The following PAPPA2 variants were observed in gnomAD, a reference collection of about 807,000 sequenced individuals.
PAPPA2 encodes pappalysin 2, also known as pappalysin-2.
PAPPA2 carries 86 observed loss-of-function variants against 176.4 expected under a neutral mutation model. That is an observed-to-expected ratio of 0.49 (90% CI 0.41 to 0.58). The LOEUF (loss-of-function observed/expected upper bound fraction) is 0.58. Among genes scored for constraint, PAPPA2 ranks in the 20% least tolerant of loss-of-function variants. PAPPA2 has a pLI of 0.00. For synonymous variants in PAPPA2, 809 were observed against 852.2 expected (o/e 0.95, Z 0.88); for missense variants, 2,073 against 2,256.9 (o/e 0.92, Z 1.65).
At chr1:176,794,628 A>T (rs776583376) in intron 20 of PAPPA2, among the ~76,000 whole-genome samples, 6 of 152,204 alleles carry the variant, frequency 3.9e-5, no homozygotes, top group East Asian at 1.9e-4. Flanking sequence ...TGAGAAAGGA[A>T]CTAATGGCTA....
chr1:176,496,553 T>C (rs1296690319), intron 1 of PAPPA2, among the ~76,000 whole-genome samples: 9 of 152,186 alleles, frequency 5.9e-5, no homozygotes, highest in African/African-American at 2.2e-4. Context: ...TTTCTCATTC[T>C]GGGCACCTCG....
At chr1:176,676,603 GA>G (rs1320900230) in intron 4 of PAPPA2, among the ~76,000 whole-genome samples, 1 of 152,130 alleles carries the variant, frequency 6.6e-6, no homozygotes, top group Non-Finnish European at 1.5e-5. Flanking sequence ...TGGAGGTTGA[GA>G]AAAGTATAGA....
At chr1:176,664,418 C>T (rs1658516129) in intron 3 of PAPPA2, among the ~76,000 whole-genome samples, 1 of 152,182 alleles carries the variant, frequency 6.6e-6, no homozygotes, top group African/African-American at 2.4e-5. Context: ...ATCCTGTTTC[C>T]ATCACTGTAT....
intron 4 of PAPPA2, among the ~76,000 whole-genome samples, chr1:176,680,365 T>G (rs1659523343): frequency 6.6e-6 from 1 of 152,216 alleles, no homozygotes; most frequent in Admixed American, 6.5e-5. Context: ...CTATAGAATT[T>G]TATACTATTG....
At chr1:176,705,322 A>C (rs1168571238) in intron 9 of PAPPA2, among the ~76,000 whole-genome samples, 2 of 152,188 alleles carry the variant, frequency 1.3e-5, no homozygotes, top group East Asian at 3.8e-4. Flanking sequence ...TGATTACTAT[A>C]TCACTGTATT....
intron 1 of PAPPA2, among the ~76,000 whole-genome samples, chr1:176,495,831 G>A (rs983170682): frequency 3.3e-5 from 5 of 150,522 alleles, no homozygotes; most frequent in African/African-American, 9.8e-5. Context: ...TGGGTGGTGC[G>A]ATCATAGCTC....
chr1:176,577,554 G>T (rs1285586712), intron 2 of PAPPA2, among the ~76,000 whole-genome samples: 1 of 152,086 alleles, frequency 6.6e-6, no homozygotes, highest in Non-Finnish European at 1.5e-5. Context: ...AAGTTATCTA[G>T]AACAGCTGAA....
chr1:176,543,080 A>G (rs1293765529), intron 1 of PAPPA2, among the ~76,000 whole-genome samples: 5 of 152,204 alleles, frequency 3.3e-5, no homozygotes, highest in African/African-American at 1.2e-4. Flanking sequence ...AACCACCTAC[A>G]ACATCTCTGT....
chr1:176,809,284 T>C (rs1028563696), intron 21 of PAPPA2, among the ~76,000 whole-genome samples: 14 of 152,238 alleles, frequency 9.2e-5, no homozygotes, highest in African/African-American at 3.1e-4. Flanking sequence ...AAGGAATTTA[T>C]GTAGGAAGGA....
At chr1:176,646,430 T>C (rs1439560838) in intron 3 of PAPPA2, among the ~76,000 whole-genome samples, 1 of 150,368 alleles carries the variant, frequency 6.7e-6, no homozygotes, top group Non-Finnish European at 1.5e-5. Flanking sequence ...TTATACTCTT[T>C]TAGTTATTTT....
intron 17 of PAPPA2, among the ~76,000 whole-genome samples, chr1:176,780,315 A>G (rs2102924357): frequency 8.1e-6 from 1 of 122,784 alleles, no homozygotes; most frequent in South Asian, 2.6e-4. Context: ...GTTCTTACAA[A>G]TGAGATCAGC....
intron 21 of PAPPA2, among the ~76,000 whole-genome samples, chr1:176,831,676 T>C (rs1667085504): frequency 6.6e-6 from 1 of 152,150 alleles, no homozygotes; most frequent in Non-Finnish European, 1.5e-5. Flanking sequence ...CTTTGAGTCT[T>C]TATTTGCAAC....
chr1:176,651,950 A>G (rs1198330562), intron 3 of PAPPA2, among the ~76,000 whole-genome samples: 1 of 151,420 alleles, frequency 6.6e-6, no homozygotes, highest in Non-Finnish European at 1.5e-5. Flanking sequence ...ATTTTAGTTC[A>G]GCAAATGTAT....
chr1:176,502,722 AACTT>A lies in PAPPA2; in HGVS notation c.-917+39309_-917+39312del, dbSNP rs573140994. 7.1e-4 allele frequency among the ~76,000 whole-genome samples: 108 copies of A among 152,316 alleles called. No homozygotes were observed. In the Middle Eastern group the frequency reaches 0.01, roughly 14 times the overall value. On this transcript the variant is annotated intron_variant, in intron 1 of 22. Coordinates refer to ENST00000367662, the MANE Select transcript of PAPPA2 (RefSeq NM_020318.3). ...AGACTAAGTTGTTTTTCTTTCAAAC[AACTT>A]ACTTCACATCTAATTGAAACATGAC...
At chr1:176,697,976 A>G (rs1408756048) in intron 7 of PAPPA2, among the ~76,000 whole-genome samples, 3 of 152,202 alleles carry the variant, frequency 2.0e-5, no homozygotes, top group Non-Finnish European at 2.9e-5. Context: ...AATAAAAACC[A>G]TAAGATGTAA....
At chr1:176,606,534 A>G (rs1275241970) in intron 3 of PAPPA2, among the ~76,000 whole-genome samples, 2 of 152,126 alleles carry the variant, frequency 1.3e-5, no homozygotes, top group Non-Finnish European at 2.9e-5. Flanking sequence ...GCGTGATCTC[A>G]GCTCACTGCA....
At position 176,556,597 on chromosome 1, in the gene PAPPA2, C is replaced by G; in HGVS notation, c.275C>G (p.Thr92Arg). ...YPVGEQEIHH[T>R]GRSKPDTEGN... Reference sequence around the variant, plus strand: ...GTGGGGGAGCAAGAAATCCATCATACAGGACGCAGCAAACCAGACACTGAA... The same window carrying G: ...GTGGGGGAGCAAGAAATCCATCATAGAGGACGCAGCAAACCAGACACTGAA... Residue 92 changes from threonine (T) to arginine (R), a missense_variant, in exon 2 of 23, where the codon ACA becomes AGA. Transcript: ENST00000367662. The G allele has an allele frequency of 6.2e-7, 1 of 1,614,192 alleles. No individual in the cohort carries two copies. Among genetic ancestry groups the G allele is most frequent in the African/African-American group, 1.3e-5 (1 of 75,056 alleles).
At chr1:176,766,874 C>G (rs1360913684) in intron 15 of PAPPA2, among the ~76,000 whole-genome samples, 1 of 151,522 alleles carries the variant, frequency 6.6e-6, no homozygotes, top group Non-Finnish European at 1.5e-5. Context: ...GGACATACAA[C>G]TGTTAGCTAG....
At chr1:176,478,660 A>G (rs1445112340) in intron 1 of PAPPA2, among the ~76,000 whole-genome samples, 1 of 152,190 alleles carries the variant, frequency 6.6e-6, no homozygotes, top group Non-Finnish European at 1.5e-5. Flanking sequence ...TTGTGCCACA[A>G]TGTTCTTGAG....
Sources: allele counts gnomAD v4.1 joint callset (sites outside exome capture counted in the v4.1 genomes callset), GRCh38; gene constraint gnomAD v4.1.1; transcripts MANE v1.5; gene names NCBI Gene and HGNC (gene_info 2026-07-23, HGNC 2026-07-21).